The following KIAA1217 variants were observed in gnomAD, a reference collection of about 807,000 sequenced individuals.
KIAA1217 encodes the protein KIAA1217, also known as sickle tail protein homolog.
Under a neutral mutation model 163.9 loss-of-function variants are expected in KIAA1217, and 88 were observed. That is an observed-to-expected ratio of 0.54 (90% CI 0.45 to 0.64). KIAA1217 has a LOEUF of 0.64. Ranked by LOEUF, KIAA1217 falls within the 30% of genes least tolerant of loss-of-function variation. KIAA1217 has a pLI of 0.00. For synonymous variants in KIAA1217, 903 were observed against 923.1 expected (o/e 0.98, Z 0.39); for missense variants, 2,372 against 2,475.0 (o/e 0.96, Z 0.88).
chr10:24,119,744 T>C (rs954026706), intron 2 of KIAA1217, among the ~76,000 whole-genome samples: 1 of 152,216 alleles, frequency 6.6e-6, no homozygotes, highest in Non-Finnish European at 1.5e-5. Flanking sequence ...CTGTAAATCC[T>C]TAAAGTTTGC....
chr10:24,337,582 GT>G (rs1425906155), intron 2 of KIAA1217, among the ~76,000 whole-genome samples: 5 of 149,088 alleles, frequency 3.4e-5, no homozygotes, highest in African/African-American at 1.2e-4. Context: ...TTTTTGTTTT[GT>G]GTGGTTTTTT....
At chr10:24,301,190 G>T (rs758946627) in intron 2 of KIAA1217, among the ~76,000 whole-genome samples, 1 of 152,078 alleles carries the variant, frequency 6.6e-6, no homozygotes, top group Admixed American at 6.6e-5. Context: ...GCAGATAAGT[G>T]CCCCCCTGCT....
chr10:24,243,820 ATG>A (rs1453504643), intron 2 of KIAA1217, among the ~76,000 whole-genome samples: 2 of 152,116 alleles, frequency 1.3e-5, no homozygotes, highest in Non-Finnish European at 2.9e-5. Context: ...GAGTTTGTGT[ATG>A]TATATATACA....
intron 2 of KIAA1217, among the ~76,000 whole-genome samples, chr10:24,018,961 A>G (rs1027485517): frequency 2.0e-5 from 3 of 152,110 alleles, no homozygotes; most frequent in African/African-American, 7.2e-5. Flanking sequence ...AGAAAGACAA[A>G]TACTGTATGC....
At chr10:24,166,121 C>T (rs542185718) in intron 2 of KIAA1217, among the ~76,000 whole-genome samples, 1 of 151,834 alleles carries the variant, frequency 6.6e-6, no homozygotes, top group East Asian at 1.9e-4. Context: ...TTGGACAAAT[C>T]GTTTTTAAAA....
chr10:24,336,835 T>A (rs565112424), intron 2 of KIAA1217, among the ~76,000 whole-genome samples: 2 of 152,246 alleles, frequency 1.3e-5, no homozygotes, highest in Non-Finnish European at 2.9e-5. Context: ...CAACAATTGC[T>A]GTTGGGAAAA....
intron 3 of KIAA1217, among the ~76,000 whole-genome samples, chr10:24,401,463 C>T (rs1382495232): frequency 6.6e-6 from 1 of 152,064 alleles, no homozygotes; most frequent in African/African-American, 2.4e-5. Context: ...AGTAATCCAC[C>T]ATATGAACAG....
intron 1 of KIAA1217, among the ~76,000 whole-genome samples, chr10:23,778,512 G>A (rs1029897668): frequency 6.6e-6 from 1 of 152,188 alleles, no homozygotes; most frequent in African/African-American, 2.4e-5. Flanking sequence ...ACATCAGGTA[G>A]CCCCTGATTG....
chr10:24,116,092 C>T (rs1333656218), intron 2 of KIAA1217, among the ~76,000 whole-genome samples: 1 of 152,104 alleles, frequency 6.6e-6, no homozygotes, highest in East Asian at 1.9e-4. Context: ...CTGATTGTGT[C>T]ATACTGCAAC....
chr10:23,823,221 G>A (rs1015110166), intron 1 of KIAA1217, among the ~76,000 whole-genome samples: 8 of 152,210 alleles, frequency 5.3e-5, no homozygotes, highest in African/African-American at 1.9e-4. Context: ...AGCACATTCA[G>A]GTTGTTGGGA....
chr10:24,232,511 A>G (rs1176650990), intron 2 of KIAA1217, among the ~76,000 whole-genome samples: 1 of 152,192 alleles, frequency 6.6e-6, no homozygotes, highest in African/African-American at 2.4e-5. Context: ...AAGTATGGAA[A>G]GGCAAGAACC....
intron 9 of KIAA1217, among the ~76,000 whole-genome samples, chr10:24,508,364 T>G (rs1429206591): frequency 6.6e-6 from 1 of 152,178 alleles, no homozygotes; most frequent in Non-Finnish European, 1.5e-5. Flanking sequence ...AAACAATGTT[T>G]GTGAATGACC....
At chr10:24,166,672 A>G (rs2065360949) in intron 2 of KIAA1217, among the ~76,000 whole-genome samples, 1 of 152,170 alleles carries the variant, frequency 6.6e-6, no homozygotes, top group Non-Finnish European at 1.5e-5. Flanking sequence ...TGGGAAGTGG[A>G]GGTTGCAGTG....
chr10:24,231,055 G>A (rs144653577), intron 2 of KIAA1217, among the ~76,000 whole-genome samples: 130 of 152,330 alleles, frequency 8.5e-4, no homozygotes, highest in Non-Finnish European at 1.3e-3. Flanking sequence ...AGTCTGCCTC[G>A]TGTCAGTAAG....
chr10:24,019,396 C>CAA (rs34548705), intron 2 of KIAA1217, among the ~76,000 whole-genome samples: 1 of 150,668 alleles, frequency 6.6e-6, no homozygotes, highest in Admixed American at 6.6e-5. Context: ...TTAAGGAATG[C>CAA]AAAAAAAATT....
In KIAA1217 at chr10:24,240,055, T is replaced by C. The variant is rs150760201; in HGVS notation, c.354+20146T>C. ...TTTTAAAGCATGGTTTAAAAGAAAA[T>C]ACTGGTCACTTGGGAGTATGAGGGT... On this transcript the variant is annotated intron_variant, in intron 2 of 20. Coordinates refer to ENST00000376454, the MANE Select transcript of KIAA1217 (RefSeq NM_019590.5). 2.0e-4 allele frequency among the ~76,000 whole-genome samples: 30 copies of C among 152,136 alleles called. No homozygotes were observed. In the East Asian group the frequency reaches 5.2e-3, roughly 27 times the overall value.
At chr10:24,476,027 T>C (rs2063995140) in intron 6 of KIAA1217, among the ~76,000 whole-genome samples, 1 of 152,192 alleles carries the variant, frequency 6.6e-6, no homozygotes, top group Non-Finnish European at 1.5e-5. Flanking sequence ...TAAAAGAGCA[T>C]CAGGAGCTTG....
intron 2 of KIAA1217, among the ~76,000 whole-genome samples, chr10:24,346,418 G>T (rs2047774095): frequency 6.6e-6 from 1 of 151,916 alleles, no homozygotes; most frequent in African/African-American, 2.4e-5. Context: ...CTTGCAGTGA[G>T]CCGAGATCGT....
intron 1 of KIAA1217, among the ~76,000 whole-genome samples, chr10:23,981,866 G>A (rs1422981485): frequency 6.6e-6 from 1 of 152,098 alleles, no homozygotes; most frequent in Non-Finnish European, 1.5e-5. Context: ...AGCTACTTCT[G>A]TCTCAGGAAA....
Sources: gnomAD v4.1 joint callset for allele counts (sites outside exome capture counted in the v4.1 genomes callset) on GRCh38, gnomAD v4.1.1 for gene constraint, MANE v1.5 for transcripts, NCBI Gene and HGNC (gene_info 2026-07-23, HGNC 2026-07-21) for gene names.